Variants in FGF1 observed in about 807,000 individuals in gnomAD.
FGF1 encodes fibroblast growth factor 1.
In FGF1, 9 loss-of-function variants were observed where a neutral mutation model predicts 13.4. The ratio of observed to expected loss-of-function variants is 0.67; its 90% CI spans 0.40 to 1.17. The LOEUF is 1.17. Among genes scored for constraint, FGF1 ranks in the 50% most tolerant of loss-of-function variants. The pLI is 0.01. For missense variants in FGF1, 156 were observed against 192.7 expected (o/e 0.81, Z 1.13); for synonymous variants, 93 against 79.0 (o/e 1.18, Z -0.94).
intron 1 of FGF1, among the ~76,000 whole-genome samples, chr5:142,649,378 T>C (rs1766783178): frequency 6.6e-6 from 1 of 152,166 alleles, no homozygotes; most frequent in African/African-American, 2.4e-5. Context: ...ATAGCCTACC[T>C]TGCATTTATG....
intron 1 of FGF1, among the ~76,000 whole-genome samples, chr5:142,681,975 C>A (rs1398413077): frequency 1.3e-5 from 2 of 152,188 alleles, no homozygotes; most frequent in African/African-American, 2.4e-5. Flanking sequence ...AAGCTCCATG[C>A]CAAAGCAAAT....
At chr5:142,687,524 C>G (rs1751453768), upstream of FGF1, among the ~76,000 whole-genome samples, 1 of 152,198 alleles carries the variant, frequency 6.6e-6, no homozygotes, top group South Asian at 2.1e-4. Flanking sequence ...ACTTCTACAC[C>G]TGCAAAGGAT....
intron 2 of FGF1, among the ~76,000 whole-genome samples, chr5:142,607,953 C>T (rs770928249): frequency 6.6e-6 from 1 of 152,164 alleles, no homozygotes; most frequent in Non-Finnish European, 1.5e-5. Flanking sequence ...TTCTCCTCTG[C>T]TCCCCAAAGC....
At chr5:142,618,929 G>GT (rs869093279) in intron 1 of FGF1, among the ~76,000 whole-genome samples, 13,243 of 59,996 alleles carry the variant, frequency 0.22, 1,674 homozygotes, top group Admixed American at 0.29. Flanking sequence ...TAGTTGTTTT[G>GT]TTTTTTTTTT....
chr5:142,624,076 T>A (rs970236657), intron 1 of FGF1, among the ~76,000 whole-genome samples: 1 of 152,080 alleles, frequency 6.6e-6, no homozygotes, highest in South Asian at 2.1e-4. Flanking sequence ...CCCGCTACCA[T>A]ACCTGGCTAA....
At chr5:142,598,329 C>CGGT (rs1755733362) in intron 3 of FGF1, among the ~76,000 whole-genome samples, 1 of 152,170 alleles carries the variant, frequency 6.6e-6, no homozygotes, top group African/African-American at 2.4e-5. Context: ...GCCAGATCAG[C>CGGT]GGTGCTCCGT....
At chr5:142,665,540 C>T (rs1005025522) in intron 1 of FGF1, among the ~76,000 whole-genome samples, 8 of 152,140 alleles carry the variant, frequency 5.3e-5, no homozygotes, top group African/African-American at 1.9e-4. Context: ...TTCCTGTCTC[C>T]TCTCCCACCC....
At chr5:142,596,982 C>T (rs933205886) in intron 3 of FGF1, among the ~76,000 whole-genome samples, 1 of 151,762 alleles carries the variant, frequency 6.6e-6, no homozygotes, top group African/African-American at 2.4e-5. Flanking sequence ...TAAAAATGAA[C>T]AACAAACCTA....
At chr5:142,609,787 T>C (rs546783005) in intron 2 of FGF1, among the ~76,000 whole-genome samples, 17 of 152,328 alleles carry the variant, frequency 1.1e-4, no homozygotes, top group African/African-American at 4.1e-4. Context: ...TTACAAACAT[T>C]ATCACATTAA....
chr5:142,662,172 C>G (rs1769380059), intron 1 of FGF1, among the ~76,000 whole-genome samples: 1 of 152,048 alleles, frequency 6.6e-6, no homozygotes, highest in Admixed American at 6.5e-5. Context: ...TCATATGTGT[C>G]CTGAGATTAG....
intron 1 of FGF1, among the ~76,000 whole-genome samples, chr5:142,656,060 C>G (rs189519691): frequency 8.5e-5 from 13 of 152,264 alleles, no homozygotes; most frequent in African/African-American, 2.9e-4. Context: ...ATATTAAATA[C>G]CAAGTCCTAG....
In FGF1 at chr5:142,593,132, C is replaced by A. The variant is rs753342061; in HGVS notation, c.*2158G>T. 2.6e-5 allele frequency: 4 copies of A among 152,152 alleles called. No individual in the cohort carries two copies. Among genetic ancestry groups the A allele is most frequent in the Non-Finnish European group, 5.9e-5 (4 of 68,044 alleles). The allele number at this position is 152,152 out of a possible 1,614,324, so 9.4% of individuals were successfully genotyped here. On this transcript the variant is annotated 3_prime_UTR_variant, in exon 4 of 4. Coordinates refer to ENST00000337706, the MANE Select transcript of FGF1 (RefSeq NM_000800.5). ...CACAGACTTCCATTTCACAAGTTAG[C>A]AATGGTATTTAATTTTCCTTGGCCA...
At chr5:142,687,885 C>T (rs950973943), upstream of FGF1, among the ~76,000 whole-genome samples, 1 of 152,208 alleles carries the variant, frequency 6.6e-6, no homozygotes, top group Non-Finnish European at 1.5e-5. Flanking sequence ...GGCAATTCAG[C>T]CCAAGGGCTC....
At chr5:142,610,285 A>T (rs250106) in intron 2 of FGF1, among the ~76,000 whole-genome samples, 1 of 152,214 alleles carries the variant, frequency 6.6e-6, no homozygotes, top group Non-Finnish European at 1.5e-5. Flanking sequence ...TGTTTACTGG[A>T]CATTTTACCA....
At chr5:142,613,862 G>A (rs768781644) in intron 2 of FGF1, 97 bp downstream of exon 2, 10 of 1,280,998 alleles carry the variant, frequency 7.8e-6, no homozygotes, top group Admixed American at 5.0e-5. Context: ...TAGAACCTTG[G>A]AGAAGCAAGT....
At chr5:142,636,012 T>C (rs1248788454) in intron 1 of FGF1, among the ~76,000 whole-genome samples, 1 of 152,266 alleles carries the variant, frequency 6.6e-6, no homozygotes, top group Non-Finnish European at 1.5e-5. Flanking sequence ...ATTTCCTTTA[T>C]TGAATTACTG....
intron 2 of FGF1, among the ~76,000 whole-genome samples, chr5:142,606,214 C>CTGTGTGTG (rs1283591761): frequency 4.6e-4 from 33 of 71,032 alleles, no homozygotes; most frequent in African/African-American, 1.5e-3. Context: ...CATTCTTTCT[C>CTGTGTGTG]TCTCTGTGTG....
At chr5:142,647,896 C>A (rs774154025) in intron 1 of FGF1, among the ~76,000 whole-genome samples, 10 of 152,054 alleles carry the variant, frequency 6.6e-5, no homozygotes, top group African/African-American at 9.7e-5. Context: ...CTAGCCTGGC[C>A]AACATGGTGA....
chr5:142,604,844 A>G (rs1234574453), intron 2 of FGF1, among the ~76,000 whole-genome samples: 2 of 152,174 alleles, frequency 1.3e-5, no homozygotes, highest in Non-Finnish European at 2.9e-5. Flanking sequence ...TTGGGCTCCA[A>G]TTATGGGAAT....
Sources: allele counts gnomAD v4.1 joint callset (sites outside exome capture counted in the v4.1 genomes callset), GRCh38; gene constraint gnomAD v4.1.1; transcripts MANE v1.5; gene names NCBI Gene and HGNC (gene_info 2026-07-23, HGNC 2026-07-21).